The following GALNT11 variants were observed in gnomAD, a reference collection of about 807,000 sequenced individuals.
GALNT11 encodes the protein UDP-GalNAc:polypeptide N-acetylgalactosaminyltransferase 11.
GALNT11 carries 47 observed loss-of-function variants against 72.7 expected under a neutral mutation model. That is an observed-to-expected ratio of 0.65 (90% CI 0.51 to 0.82). GALNT11 has a LOEUF of 0.82. GALNT11 is among the 40% of genes least tolerant of loss of function. The pLI is 0.00. For synonymous variants in GALNT11, 270 were observed against 286.6 expected, an observed-to-expected ratio of 0.94 and a Z score of 0.58; for missense variants, 677 against 778.4, an observed-to-expected ratio of 0.87 and a Z score of 1.55.
At chr7:152,035,530 G>A (rs1257710430) in intron 1 of GALNT11, among the ~76,000 whole-genome samples, 1 of 152,226 alleles carries the variant, frequency 6.6e-6, no homozygotes, top group Non-Finnish European at 1.5e-5. Context: ...GGACCCCGGA[G>A]CTGAATGGCT....
At chr7:152,075,554 C>T (rs185233168) in intron 1 of GALNT11, among the ~76,000 whole-genome samples, 1 of 59,698 alleles carries the variant, frequency 1.7e-5, no homozygotes, top group Non-Finnish European at 3.1e-5. Flanking sequence ...ATAATCCCAG[C>T]ACTTTGGGAG....
At chr7:152,099,281 A>G (rs1015855794) in intron 2 of GALNT11, among the ~76,000 whole-genome samples, 1 of 152,010 alleles carries the variant, frequency 6.6e-6, no homozygotes, top group Admixed American at 6.6e-5. Context: ...TTACACCTGG[A>G]TATTCATAAA....
intron 5 of GALNT11, among the ~76,000 whole-genome samples, chr7:152,105,777 G>A (rs1444188688): frequency 5.3e-5 from 8 of 152,174 alleles, no homozygotes; most frequent in South Asian, 2.1e-4. Context: ...CTCTTAGTGC[G>A]GAGTGCATCC....
chr7:152,081,338 C>G (rs1215394227), intron 1 of GALNT11, among the ~76,000 whole-genome samples: 1 of 152,136 alleles, frequency 6.6e-6, no homozygotes, highest in Non-Finnish European at 1.5e-5. Flanking sequence ...TCAAAAGAAG[C>G]CTTCTTACCT....
intron 4 of GALNT11, 67 bp downstream of exon 4, chr7:152,103,345 A>G (rs1188746700): frequency 6.6e-7 from 1 of 1,504,622 alleles, no homozygotes; most frequent in Non-Finnish European, 9.1e-7. Context: ...GACAAACACT[A>G]ACACAGCTGA....
At chr7:152,119,317 T>G (rs2089200843) in intron 10 of GALNT11, 1 of 152,174 alleles carries the variant, frequency 6.6e-6, no homozygotes, top group African/African-American at 2.4e-5. Flanking sequence ...AGCAAATAAC[T>G]TCAGTTTAGA....
At chr7:152,091,140 G>A (rs997532427) in intron 1 of GALNT11, among the ~76,000 whole-genome samples, 7 of 150,464 alleles carry the variant, frequency 4.7e-5, no homozygotes, top group East Asian at 2.0e-4. Context: ...CTCTGCTCCC[G>A]GGTTCAAGCA....
chr7:152,103,033 G>T, intron 3 of GALNT11, 79 bp from the exon 4 acceptor site: 2 of 1,334,022 alleles, frequency 1.5e-6, no homozygotes, highest in Non-Finnish European at 2.1e-6. Context: ...CAAGGGGACA[G>T]TAAATCTGTA....
Position 152,120,931 on chromosome 7 carries a change from G to A in GALNT11, c.1658G>A (p.Cys553Tyr). The A allele has an allele frequency of 1.2e-6, 2 of 1,614,114 alleles. No homozygotes were observed. The highest frequency in any genetic ancestry group is 4.5e-5 in the East Asian group (2 of 44,890). The change falls in exon 11 of 12, where the codon TGC (cysteine) becomes TAC (tyrosine). Residue 553 changes from cysteine to tyrosine, a missense_variant. Physicochemically the swap from Cys to Tyr is radical, Grantham distance 194. Transcript: ENST00000430044. The stretch of plus-strand genomic sequence containing the variant: ...TCAGACCCGCCACGGCTCATGAAAT[G>A]CCACGGGTCAGGAGGATCCCAGCAG... ...RSSDPPRLMK[C>Y]HGSGGSQQWT... is the part of the protein sequence containing the mutation.
intron 1 of GALNT11, among the ~76,000 whole-genome samples, chr7:152,068,380 A>G (rs2084437103): frequency 6.6e-6 from 1 of 152,076 alleles, no homozygotes; most frequent in South Asian, 2.1e-4. Context: ...ATAAAACTCC[A>G]TTGTATGGAT....
rs1031986421 is a variant in GALNT11, at chr7:152,117,599, A to G, written c.1452+224A>G. On this transcript the variant is annotated intron_variant, in intron 9 of 11. Transcript: ENST00000430044. ...CGGCATAGCTGCCTTCTGTGAGGGT[A>G]AGTTATGTGACGCTTTCCAAGAGCG... 1.7e-5 allele frequency: 10 copies of G among 575,582 alleles called. No individual in the cohort carries two copies. The African/African-American group carries it at 1.9e-4, about 11-fold the overall frequency. The allele number at this position is 575,582 out of a possible 1,614,324, so 35.7% of individuals were successfully genotyped here. A position where few individuals can be genotyped will look rare whatever the true frequency, so the allele number is the denominator to read the frequency against.
At chr7:152,121,397 G>A in intron 11 of GALNT11, 149 bp from the exon 12 acceptor site, 1 of 809,690 alleles carries the variant, frequency 1.2e-6, no homozygotes, top group Non-Finnish European at 1.9e-6. Flanking sequence ...GTATTGTGCT[G>A]CAGATAACAA....
intron 1 of GALNT11, among the ~76,000 whole-genome samples, chr7:152,078,018 T>A (rs1187609915): frequency 6.6e-6 from 1 of 150,966 alleles, no homozygotes; most frequent in African/African-American, 2.4e-5. Context: ...TTCAGTGGAT[T>A]CAGCAGATTA....
At chr7:152,111,048 G>C (rs2088132747) in intron 7 of GALNT11, among the ~76,000 whole-genome samples, 1 of 152,088 alleles carries the variant, frequency 6.6e-6, no homozygotes, top group East Asian at 1.9e-4. Flanking sequence ...CAGAATCTGT[G>C]ATATGGATAA....
chr7:152,103,207 A>G lies in GALNT11; in HGVS notation c.515A>G (p.His172Arg), dbSNP rs56099066. ...EAFSALLRTV[H>R]SVIDRTPAHL... ...TTTTCTGCCTTGCTTCGGACAGTGC[A>G]CAGTGTCATAGACCGCACGCCAGCA... Residue 172 changes from histidine (H) to arginine (R), a missense_variant, in exon 4 of 12, where the codon CAC (histidine) becomes CGC (arginine). Coordinates refer to ENST00000430044, the MANE Select transcript of GALNT11 (RefSeq NM_022087.4). The G allele has an allele frequency of 5.4e-4, 871 of 1,613,842 alleles. 1 individual carries two copies. Among genetic ancestry groups the G allele is most frequent in the Non-Finnish European group, 6.9e-4 (818 of 1,179,872 alleles).
At chr7:152,045,044 T>C (rs2083051908) in intron 1 of GALNT11, among the ~76,000 whole-genome samples, 2 of 152,346 alleles carry the variant, frequency 1.3e-5, no homozygotes, top group South Asian at 2.1e-4. Flanking sequence ...GAAACGATCA[T>C]ATGGTTTTTA....
chr7:152,077,363 C>T (rs368325132), intron 1 of GALNT11, among the ~76,000 whole-genome samples: 5 of 152,136 alleles, frequency 3.3e-5, no homozygotes, highest in African/African-American at 4.8e-5. Flanking sequence ...CGCTTTTGCC[C>T]GGCTATTTGC....
chr7:152,107,602 T>G (rs1163764090), intron 5 of GALNT11: 1 of 163,920 alleles, frequency 6.1e-6, no homozygotes, highest in East Asian at 1.6e-4. Context: ...GTCTTCTAAG[T>G]GTGTGCCAAA....
At chr7:152,052,203 C>T (rs2083438543) in intron 1 of GALNT11, among the ~76,000 whole-genome samples, 1 of 152,098 alleles carries the variant, frequency 6.6e-6, no homozygotes, top group African/African-American at 2.4e-5. Flanking sequence ...TTTTTTATGG[C>T]TGAATAATAT....
Sources: gnomAD v4.1 joint callset for allele counts (sites outside exome capture counted in the v4.1 genomes callset) on GRCh38, gnomAD v4.1.1 for gene constraint, MANE v1.5 for transcripts, NCBI Gene and HGNC (gene_info 2026-07-23, HGNC 2026-07-21) for gene names.